PTPRN2: variants seen among roughly 807,000 people sequenced by gnomAD.
PTPRN2 encodes the protein protein tyrosine phosphatase receptor type N2.
Under a neutral mutation model 118.8 loss-of-function variants are expected in PTPRN2, and 74 were observed. That is an observed-to-expected ratio of 0.62 (90% CI 0.52 to 0.76). The LOEUF (loss-of-function observed/expected upper bound fraction) is 0.76. PTPRN2 is among the 30% of genes least tolerant of loss of function. The pLI, the probability that PTPRN2 is intolerant of heterozygous loss-of-function variation, is 0.00. For synonymous variants in PTPRN2, 641 were observed against 608.0 expected (o/e 1.05, Z -0.80); for missense variants, 1,481 against 1,394.4 (o/e 1.06, Z -0.99).
intron 11 of PTPRN2, among the ~76,000 whole-genome samples, chr7:157,970,956 C>T (rs931545328): frequency 6.6e-6 from 1 of 152,194 alleles, no homozygotes; most frequent in Non-Finnish European, 1.5e-5. Flanking sequence ...GGCAAATCTG[C>T]ACCATTTTTG....
rs561273172 is a variant in PTPRN2, at chr7:157,808,860, T to C, written c.1788+89813A>G. On this transcript the variant is annotated intron_variant, in intron 12 of 22. Coordinates refer to ENST00000389418, the MANE Select transcript of PTPRN2 (RefSeq NM_002847.5). The surrounding 1 kb of genome is among the most constrained non-coding windows in gnomAD (Gnocchi z 5.0). ...CTTTTGGATTAAGCATCTATAAGAT[T>C]CAGTTGTTGCCTTGGACGATTCACA... Among the ~76,000 whole-genome samples the C allele has an allele frequency of 3.3e-5, 5 of 152,302 alleles. No individual in the cohort carries two copies. The highest frequency in any genetic ancestry group is 1.2e-4 in the African/African-American group (5 of 41,566).
chr7:158,180,173 C>T lies in PTPRN2; in HGVS notation c.549+12154G>A, dbSNP rs1402084862. On this transcript the variant is annotated intron_variant, in intron 5 of 22. Coordinates refer to ENST00000389418, the MANE Select transcript of PTPRN2 (RefSeq NM_002847.5). ...TCCTTACCCTGCATCAATAGAGATC[C>T]AGTTTCATTCTTCTACATGTGGCTA... 2.0e-5 allele frequency among the ~76,000 whole-genome samples: 3 copies of T among 152,262 alleles called. No homozygotes were observed. In the East Asian group the frequency reaches 5.8e-4, roughly 29 times the overall value.
At chr7:158,376,103 C>G (rs564117140) in intron 2 of PTPRN2, among the ~76,000 whole-genome samples, 44 of 152,188 alleles carry the variant, frequency 2.9e-4, no homozygotes, top group Non-Finnish European at 1.6e-4. Context: ...GTCACAGACA[C>G]CCCACCCCTG....
intron 2 of PTPRN2, among the ~76,000 whole-genome samples, chr7:158,322,711 A>G (rs978764396): frequency 2.6e-5 from 4 of 152,264 alleles, no homozygotes; most frequent in Non-Finnish European, 4.4e-5. Flanking sequence ...AAGCCACTCA[A>G]GCAGATTGTG....
At chr7:157,708,336 ATCTC>A (rs1038333134) in intron 12 of PTPRN2, among the ~76,000 whole-genome samples, 14 of 152,088 alleles carry the variant, frequency 9.2e-5, no homozygotes, top group Non-Finnish European at 1.8e-4. Flanking sequence ...CCTTACGATT[ATCTC>A]TCTGCTTGTG....
chr7:157,738,502 C>T (rs751164568), intron 12 of PTPRN2, among the ~76,000 whole-genome samples: 26 of 152,362 alleles, frequency 1.7e-4, no homozygotes, highest in Middle Eastern at 3.4e-3. Flanking sequence ...GTGGGAGGGA[C>T]GCAGGCTGCC....
rs1805341429 is a variant in PTPRN2, at chr7:157,648,732, G to A, written c.2196+7625C>T. On this transcript the variant is annotated intron_variant, in intron 14 of 22. Transcript: ENST00000389418. ...CATTCACTGTGCACTGAACTCGGTGGGTCGGACCCATCCAGTGTGCACTGA... is the reference window on the plus strand; with the variant it reads ...CATTCACTGTGCACTGAACTCGGTGAGTCGGACCCATCCAGTGTGCACTGA... 2.1e-5 allele frequency among the ~76,000 whole-genome samples: 3 copies of A among 146,024 alleles called. No homozygotes were observed. In the Admixed American group the frequency reaches 2.1e-4, roughly 10 times the overall value.
rs576855555 is a variant in PTPRN2, at chr7:157,671,096, A to G, written c.2001+11629T>C. ...CAGGATGGTTTCCAAGAGGGTTTAC[A>G]TGCTCCCCCGCCCCCCGTCCCCTGC... On this transcript the variant is annotated intron_variant, in intron 13 of 22. Transcript: ENST00000389418. The surrounding 1 kb of genome is among the most constrained non-coding windows in gnomAD (Gnocchi z 4.1). Among the ~76,000 whole-genome samples the G allele has an allele frequency of 4.6e-5, 7 of 151,720 alleles. No individual in the cohort carries two copies. The South Asian group carries it at 1.5e-3, about 32-fold the overall frequency.
chr7:157,964,707 G>A lies in PTPRN2; in HGVS notation c.1724-65970C>T, dbSNP rs563669729. 2.3e-4 allele frequency among the ~76,000 whole-genome samples: 35 copies of A among 152,248 alleles called. No homozygotes were observed. The South Asian group carries it at 5.0e-3, about 22-fold the overall frequency. ...CTGAGGCAGCATCATGGACTTGACC[G>A]ACTCACCTCAGAGCTTGGCACTGGG... On this transcript the variant is annotated intron_variant, in intron 11 of 22. Transcript: ENST00000389418. This position sits in a 1 kb window ranked among gnomAD's most constrained non-coding sequence, Gnocchi z 9.0.
intron 3 of PTPRN2, among the ~76,000 whole-genome samples, chr7:158,310,597 T>C (rs2151072125): frequency 6.6e-6 from 1 of 152,314 alleles, no homozygotes; most frequent in Non-Finnish European, 1.5e-5. Flanking sequence ...CCACTGGGCC[T>C]GCTCGGGAGG....
At chr7:158,268,792 G>GAGT (rs1160722617) in intron 3 of PTPRN2, among the ~76,000 whole-genome samples, 2 of 135,768 alleles carry the variant, frequency 1.5e-5, no homozygotes, top group African/African-American at 2.9e-5. Context: ...CACACACACA[G>GAGT]GGCGGGTGTG....
chr7:158,448,831 G>A (rs923560632), intron 2 of PTPRN2, among the ~76,000 whole-genome samples: 3 of 152,232 alleles, frequency 2.0e-5, no homozygotes, highest in African/African-American at 7.2e-5. Flanking sequence ...AGCCCCACCA[G>A]CGTTTCCAAT....
chr7:158,333,755 G>T (rs1231020761), intron 2 of PTPRN2, among the ~76,000 whole-genome samples: 2 of 145,084 alleles, frequency 1.4e-5, no homozygotes, highest in Non-Finnish European at 3.0e-5. Flanking sequence ...CACCATAAGA[G>T]CTGACACCCG....
intron 3 of PTPRN2, among the ~76,000 whole-genome samples, chr7:158,282,420 A>T (rs1030983758): frequency 4.6e-5 from 7 of 152,224 alleles, no homozygotes; most frequent in Non-Finnish European, 7.3e-5. Flanking sequence ...CATGCGTCAG[A>T]GGTGTGTGGG....
intron 10 of PTPRN2, among the ~76,000 whole-genome samples, chr7:158,098,188 G>A (rs1814806844): frequency 6.6e-6 from 1 of 152,232 alleles, no homozygotes; most frequent in Admixed American, 6.5e-5. Flanking sequence ...GCGTGGGGCA[G>A]CCTCTGCCTG....
chr7:158,171,304 C>CACACAT (rs1177739228), intron 5 of PTPRN2, among the ~76,000 whole-genome samples: 1 of 28,088 alleles, frequency 3.6e-5, no homozygotes, highest in Non-Finnish European at 6.3e-5. Context: ...CATATATATA[C>CACACAT]ACACATATAT....
At chr7:157,709,063 C>T (rs780413352) in intron 12 of PTPRN2, among the ~76,000 whole-genome samples, 12 of 152,278 alleles carry the variant, frequency 7.9e-5, no homozygotes, top group South Asian at 2.1e-4. Context: ...AGGAGCGAGC[C>T]GAGAGAGACA....
intron 4 of PTPRN2, among the ~76,000 whole-genome samples, chr7:158,201,760 G>C (rs114392747): frequency 0.011 from 1,642 of 152,262 alleles, 31 homozygotes; most frequent in African/African-American, 0.036. Flanking sequence ...TAAACTCAAC[G>C]AGTTGTCAAC....
intron 11 of PTPRN2, among the ~76,000 whole-genome samples, chr7:157,950,137 T>C (rs533847877): frequency 1.2e-3 from 177 of 152,374 alleles, no homozygotes; most frequent in Non-Finnish European, 1.4e-3. Flanking sequence ...CCACATGGTG[T>C]GTATATCTCA....
Sources: gnomAD v4.1 joint callset for allele counts (sites outside exome capture counted in the v4.1 genomes callset) on GRCh38, gnomAD v4.1.1 for gene constraint, Gnocchi (gnomAD v3.1) non-coding constraint, MANE v1.5 for transcripts, NCBI Gene and HGNC (gene_info 2026-07-23, HGNC 2026-07-21) for gene names.